CCNA1: variants seen among roughly 807,000 people sequenced by gnomAD.
CCNA1 encodes the protein cyclin-A1.
A neutral mutation model predicts 54.1 loss-of-function variants in CCNA1; 23 were observed. The observed-to-expected ratio is 0.42, with a 90% confidence interval of 0.31 to 0.60. The LOEUF (loss-of-function observed/expected upper bound fraction) is 0.60, where lower values mean the gene tolerates loss of function less well. Ranked by LOEUF, CCNA1 falls within the 20% of genes least tolerant of loss-of-function variation. The probability of loss-of-function intolerance (pLI) is 0.14; values close to 1 mark genes in which losing one functional copy is unlikely to be tolerated. For missense variants in CCNA1, 450 were observed against 556.7 expected, an observed-to-expected ratio of 0.81 and a Z score of 1.93; for synonymous variants, 208 against 213.9, an observed-to-expected ratio of 0.97 and a Z score of 0.24.
At chr13:36,442,085 A>G in intron 7 of CCNA1, 86 bp from the exon 8 acceptor site, 1 of 1,033,074 alleles carries the variant, frequency 9.7e-7, no homozygotes, top group Non-Finnish European at 1.5e-6. Context: ...TTACTAAGGG[A>G]CTAATTCCCT....
In CCNA1 at chr13:36,442,286, A is replaced by G. The variant is rs1249708168; in HGVS notation, c.1328A>G (p.Glu443Gly). The G allele has an allele frequency of 1.9e-6, 3 of 1,613,992 alleles. No homozygotes were observed. The South Asian group carries it at 3.3e-5, about 18-fold the overall frequency. ...CATCGACCTCAGCAAGCAATTAGGG[A>G]GAAGTACAAGGCTTCAAAGTAAGTC... The change falls in exon 8 of 9, where the codon GAG becomes GGG. Residue 443 changes from glutamate (E) to glycine (G), a missense_variant. Glu to Gly is a moderately conservative substitution (Grantham distance 98, BLOSUM62 -2). Around this residue, in one of 6 missense-constraint regions of CCNA1, gnomAD observed 53 missense variants for 50.1 expected, o/e 1.06. Coordinates refer to ENST00000255465, the MANE Select transcript of CCNA1 (RefSeq NM_003914.4).
At position 36,438,090 on chromosome 13, in the gene CCNA1, T is replaced by A. The variant is rs1218883062; in HGVS notation, c.568T>A (p.Ser190Thr). 1 of 1,613,292 alleles carries A rather than the reference T, an allele frequency of 6.2e-7. No homozygotes were observed. Among genetic ancestry groups the A allele is most frequent in the East Asian group, 2.2e-5 (1 of 44,876 alleles). ...AGTTTCCCCTATGCTGGTAGATTCA[T>A]CTCTCCTCTCCCAGTCTGAAGATAT... The change falls in exon 4 of 9, where the codon TCT becomes ACT. Residue 190 changes from serine to threonine, a missense_variant. Physicochemically the swap from Ser to Thr is moderately conservative, Grantham distance 58. Coordinates refer to ENST00000255465, the MANE Select transcript of CCNA1 (RefSeq NM_003914.4).
intron 3 of CCNA1, 23 bp from the exon 4 acceptor site, chr13:36,438,044 C>T (rs1252062514): frequency 6.2e-7 from 1 of 1,608,178 alleles, no homozygotes; most frequent in Non-Finnish European, 8.5e-7. Context: ...AATGAGTTAT[C>T]TGACAGTGTT....
At chr13:36,438,289 C>A in intron 4 of CCNA1, 98 bp downstream of exon 4, 1 of 1,010,986 alleles carries the variant, frequency 9.9e-7, no homozygotes, top group Non-Finnish European at 1.5e-6. Context: ...GTGAATGGCA[C>A]TCTTATGCCA....
intron 5 of CCNA1, 110 bp downstream of exon 5, chr13:36,438,977 T>C: frequency 1.3e-6 from 1 of 773,384 alleles, no homozygotes; most frequent in East Asian, 2.5e-5. Flanking sequence ...TTAAAACTAG[T>C]CATGTGTCCT....
chr13:36,439,233 G>A (rs2137830058), intron 5 of CCNA1, among the ~76,000 whole-genome samples: 1 of 152,298 alleles, frequency 6.6e-6, no homozygotes, highest in South Asian at 2.1e-4. Flanking sequence ...TCTAGCAAAT[G>A]ACCCATAATA....
chr13:36,432,858 T>G, intron 1 of CCNA1, 129 bp downstream of exon 1: 1 of 953,046 alleles, frequency 1.0e-6, no homozygotes, highest in Non-Finnish European at 1.6e-6. Flanking sequence ...CAGAGCAACT[T>G]TGATCGCCTG....
Position 36,433,085 on chromosome 13 carries a change from T to C in CCNA1, c.161T>C (p.Val54Ala), listed in dbSNP as rs560118670. The C allele has an allele frequency of 4.7e-5, 76 of 1,613,916 alleles. No homozygotes were observed. The South Asian group carries it at 6.0e-4, about 13-fold the overall frequency. Residue 54 changes from valine (V) to alanine (A), a missense_variant, in exon 2 of 9, where the codon GTT becomes GCT. Physicochemically the swap from Val to Ala is moderately conservative, Grantham distance 64. This residue lies in a region of CCNA1 where 103 missense variants were observed against 100.9 expected (regional missense o/e 1.02). Coordinates refer to ENST00000255465, the MANE Select transcript of CCNA1 (RefSeq NM_003914.4). ...CACTGCAGCAACCCCAAGAGTGGAG[T>C]TGTGCTGGCTACAGTGGCCCGAGGT... is the stretch of plus-strand genomic sequence containing the variant.
At position 36,433,134 on chromosome 13, in the gene CCNA1, C is replaced by T; in HGVS notation, c.210C>T (p.Thr70=). Residue 70 remains threonine (T), a synonymous_variant, in exon 2 of 9, where the codon ACC becomes ACT. Coordinates refer to ENST00000255465, the MANE Select transcript of CCNA1 (RefSeq NM_003914.4). ...GTCCCGATGCTTGTCAGATACTCAC[C>T]AGAGCCCCGCTGGGCCAGGATCCCC... 3 of 1,614,180 alleles carry T rather than the reference C, an allele frequency of 1.9e-6. No individual in the cohort carries two copies. Among genetic ancestry groups the T allele is most frequent in the Non-Finnish European group, 2.5e-6 (3 of 1,180,034 alleles).
intron 2 of CCNA1, among the ~76,000 whole-genome samples, chr13:36,434,617 G>A (rs1290282451): frequency 1.3e-5 from 2 of 151,976 alleles, no homozygotes; most frequent in Non-Finnish European, 2.9e-5. Context: ...TCTACAACCT[G>A]CTTAGAAATC....
intron 1 of CCNA1, 146 bp downstream of exon 1, chr13:36,432,875 C>A: frequency 1.1e-6 from 1 of 945,224 alleles, no homozygotes; most frequent in South Asian, 1.5e-5. Context: ...CCTGTGCGGT[C>A]GCACCTGCCC....
chr13:36,442,553 T>C lies in CCNA1; in HGVS notation c.1347-61T>C. ...AACTACTGGAAAGTTTTCTGTGACC[T>C]GAGATTTTATCAAACCAAAGTCCTT... On this transcript the variant is annotated intron_variant, in intron 8 of 8. Coordinates refer to ENST00000255465, the MANE Select transcript of CCNA1 (RefSeq NM_003914.4). 3.9e-6 allele frequency: 6 copies of C among 1,548,072 alleles called. 1 individual carries two copies. In the South Asian group the frequency reaches 6.8e-5, roughly 17 times the overall value.
intron 2 of CCNA1, among the ~76,000 whole-genome samples, chr13:36,434,952 C>A (rs1159419671): frequency 6.6e-6 from 1 of 151,846 alleles, no homozygotes; most frequent in Non-Finnish European, 1.5e-5. Context: ...TGTAAGCATA[C>A]AAATATATTG....
intron 2 of CCNA1, among the ~76,000 whole-genome samples, chr13:36,436,928 C>G (rs930819065): frequency 8.5e-5 from 13 of 152,200 alleles, no homozygotes; most frequent in African/African-American, 2.2e-4. Context: ...TTCATGCCAT[C>G]TGGCATGGCT....
chr13:36,436,484 A>G lies in CCNA1; in HGVS notation c.298-1145A>G, dbSNP rs114839415. Among the ~76,000 whole-genome samples, 475 of 152,370 alleles carry G rather than the reference A, an allele frequency of 3.1e-3. 3 individuals carry two copies. Among genetic ancestry groups the G allele is most frequent in the African/African-American group, 0.011 (453 of 41,592 alleles). On this transcript the variant is annotated intron_variant, in intron 2 of 8. Coordinates refer to ENST00000255465, the MANE Select transcript of CCNA1 (RefSeq NM_003914.4). ...TCACTGCTAAATTCTGGGCACGAGA[A>G]AAGCTTCTAGCACATAGTAGATACT...
chr13:36,433,097 C>T lies in CCNA1; in HGVS notation c.173C>T (p.Thr58Ile). ...CCCAAGAGTGGAGTTGTGCTGGCTA[C>T]AGTGGCCCGAGGTCCCGATGCTTGT... Residue 58 changes from threonine to isoleucine, a missense_variant, in exon 2 of 9, where the codon ACA (threonine) becomes ATA (isoleucine). Around this residue, in one of 6 missense-constraint regions of CCNA1, gnomAD observed 103 missense variants for 100.9 expected, o/e 1.02. Coordinates refer to ENST00000255465, the MANE Select transcript of CCNA1 (RefSeq NM_003914.4). 1 of 1,614,160 alleles carries T rather than the reference C, an allele frequency of 6.2e-7. No individual in the cohort carries two copies. The highest frequency in any genetic ancestry group is 1.3e-5 in the African/African-American group (1 of 75,046).
intron 1 of CCNA1, 64 bp from the exon 2 acceptor site, chr13:36,432,969 G>C: frequency 6.7e-7 from 1 of 1,490,982 alleles, no homozygotes; most frequent in Non-Finnish European, 9.2e-7. Flanking sequence ...GGTTCGCTGT[G>C]TCCTTGGAGC....
chr13:36,436,227 A>G (rs1309376896), intron 2 of CCNA1, among the ~76,000 whole-genome samples: 5 of 152,204 alleles, frequency 3.3e-5, no homozygotes, highest in African/African-American at 1.2e-4. Flanking sequence ...CAATTCTTAG[A>G]TCAGCCTTGG....
chr13:36,438,522 T>G (rs2055836019), intron 4 of CCNA1, 122 bp from the exon 5 acceptor site: 1 of 716,672 alleles, frequency 1.4e-6, no homozygotes. Context: ...TGATAAAGAT[T>G]TATTTGGCTC....
Sources: allele counts gnomAD v4.1 joint callset (sites outside exome capture counted in the v4.1 genomes callset), GRCh38; gene constraint gnomAD v4.1.1; regional missense constraint gnomAD v4.1.1; transcripts MANE v1.5; gene names NCBI Gene and HGNC (gene_info 2026-07-23, HGNC 2026-07-21).